TIAM1: variants seen among roughly 807,000 people sequenced by gnomAD.
The protein encoded by TIAM1 is TIAM Rac1 associated GEF 1.
TIAM1 carries 65 observed loss-of-function variants against 163.5 expected under a neutral mutation model. The observed-to-expected ratio is 0.40, with a 90% CI of 0.33 to 0.49. TIAM1 has a LOEUF of 0.49. Among genes scored for constraint, TIAM1 ranks in the 20% least tolerant of loss-of-function variants. TIAM1 has a pLI of 0.77. For synonymous variants in TIAM1, 833 were observed against 810.1 expected (o/e 1.03, Z -0.48); for missense variants, 1,789 against 2,044.7 (o/e 0.87, Z 2.41).
At chr21:31,222,676 CATAT>C (rs146567405) in intron 8 of TIAM1, among the ~76,000 whole-genome samples, 3,708 of 47,824 alleles carry the variant, frequency 0.078, 278 homozygotes, top group East Asian at 0.21. Context: ...TGTACACATA[CATAT>C]ATATATATAT....
intron 13 of TIAM1, among the ~76,000 whole-genome samples, chr21:31,194,970 T>C (rs2085773830): frequency 6.6e-6 from 1 of 152,212 alleles, no homozygotes; most frequent in South Asian, 2.1e-4. Context: ...ACATATAAAA[T>C]AAGCTACCCA....
intron 16 of TIAM1, 58 bp downstream of exon 16, chr21:31,164,904 G>C: frequency 6.5e-7 from 1 of 1,544,538 alleles, no homozygotes; most frequent in Non-Finnish European, 8.9e-7. Flanking sequence ...AGGTGACATT[G>C]TCAGCTGTGA....
chr21:31,417,149 A>G (rs1013335889), intron 2 of TIAM1, among the ~76,000 whole-genome samples: 9 of 152,076 alleles, frequency 5.9e-5, no homozygotes, highest in African/African-American at 2.2e-4. Flanking sequence ...CAGCCTCCCA[A>G]GTAGCTGGGA....
rs202089637 is a variant in TIAM1 at position 31,309,650 on chromosome 21, G to GA, written c.-189+29592dup. ...AAAGTCATGAGAATGCTTCACAAAT[G>GA]AAAAAAATGAAGATGTGGCCTACAA... On this transcript the variant is annotated intron_variant, in intron 2 of 27. Transcript: ENST00000541036. Among the ~76,000 whole-genome samples, 1,289 of 152,122 alleles carry GA rather than the reference G, an allele frequency of 8.5e-3. 11 individuals carry two copies. Among genetic ancestry groups the GA allele is most frequent in the Middle Eastern group, 0.044 (13 of 294 alleles).
At chr21:31,474,196 T>C (rs1209748491) in intron 1 of TIAM1, among the ~76,000 whole-genome samples, 1 of 152,070 alleles carries the variant, frequency 6.6e-6, no homozygotes, top group African/African-American at 2.4e-5. Context: ...CCCAAACACC[T>C]CCTGCCAGGC....
At chr21:31,273,110 C>T (rs2073136720) in intron 3 of TIAM1, among the ~76,000 whole-genome samples, 1 of 152,010 alleles carries the variant, frequency 6.6e-6, no homozygotes, top group South Asian at 2.1e-4. Flanking sequence ...AAGATCAAAA[C>T]CTGAGGATGC....
intron 2 of TIAM1, among the ~76,000 whole-genome samples, chr21:31,435,758 TAA>T (rs1399845052): frequency 2.0e-4 from 30 of 152,330 alleles, no homozygotes; most frequent in African/African-American, 7.0e-4. Flanking sequence ...GTGGGACCTT[TAA>T]GAGGTAACTA....
intron 2 of TIAM1, among the ~76,000 whole-genome samples, chr21:31,334,014 A>G (rs2075763575): frequency 6.6e-6 from 1 of 152,222 alleles, no homozygotes; most frequent in Non-Finnish European, 1.5e-5. Context: ...CATTAGAAAG[A>G]TAAATAGCAA....
chr21:31,245,694 T>C, intron 5 of TIAM1, 34 bp from the exon 6 acceptor site: 1 of 1,450,030 alleles, frequency 6.9e-7, no homozygotes, highest in Middle Eastern at 1.9e-4. Context: ...GCATGAGTAT[T>C]CAGTGCTTGG....
rs190258110 is a variant in TIAM1, at chr21:31,330,122, T to A, written c.-189+9121A>T. On this transcript the variant is annotated intron_variant, in intron 2 of 27. Coordinates refer to ENST00000541036, the MANE Select transcript of TIAM1 (RefSeq NM_001353694.2). Reference sequence around the variant, plus strand: ...GGCTTTGGATGAATGTATAATGACATGTATCTACCATCACAGTCTCATACA... The same window carrying A: ...GGCTTTGGATGAATGTATAATGACAAGTATCTACCATCACAGTCTCATACA... Among the ~76,000 whole-genome samples, 10 of 152,302 alleles carry A rather than the reference T, an allele frequency of 6.6e-5. No homozygotes were observed. The East Asian group carries it at 1.5e-3, about 24-fold the overall frequency.
chr21:31,509,016 G>A (rs2047124686), intron 1 of TIAM1, among the ~76,000 whole-genome samples: 1 of 152,190 alleles, frequency 6.6e-6, no homozygotes, highest in Non-Finnish European at 1.5e-5. Flanking sequence ...AGAGAAGCCA[G>A]CAAGAGGTGA....
chr21:31,290,809 T>G (rs1231260907), intron 2 of TIAM1, among the ~76,000 whole-genome samples: 1 of 152,128 alleles, frequency 6.6e-6, no homozygotes, highest in Non-Finnish European at 1.5e-5. Context: ...AAATATTATC[T>G]ACATTTTAGC....
At chr21:31,479,802 C>A (rs570114617) in intron 1 of TIAM1, among the ~76,000 whole-genome samples, 29 of 152,184 alleles carry the variant, frequency 1.9e-4, no homozygotes, top group African/African-American at 6.5e-4. Context: ...CACATTGATA[C>A]ACTTCATATT....
intron 2 of TIAM1, among the ~76,000 whole-genome samples, chr21:31,423,525 A>AT (rs112229863): frequency 0.029 from 4,445 of 152,040 alleles, 205 homozygotes; most frequent in African/African-American, 0.1. Context: ...CTTGTGATTA[A>AT]TATCAGCATA....
chr21:31,368,714 A>C (rs886305642), intron 2 of TIAM1, among the ~76,000 whole-genome samples: 30 of 152,254 alleles, frequency 2.0e-4, no homozygotes, highest in Non-Finnish European at 4.4e-4. Flanking sequence ...AGAAAAACTC[A>C]GTAAAACAGC....
intron 23 of TIAM1, among the ~76,000 whole-genome samples, chr21:31,135,527 C>A (rs2146254422): frequency 6.6e-6 from 1 of 152,102 alleles, no homozygotes; most frequent in East Asian, 1.9e-4. Flanking sequence ...AGTCAGGAAG[C>A]AAATAAAAGA....
At chr21:31,210,582 G>GAAAGAAAGAAAT (rs71191194) in intron 10 of TIAM1, among the ~76,000 whole-genome samples, 1 of 118,070 alleles carries the variant, frequency 8.5e-6, no homozygotes, top group East Asian at 2.8e-4. Context: ...AAGAAAGAAA[G>GAAAGAAAGAAAT]AAAGAAAGAA....
chr21:31,555,044 G>A (rs557575539), intron 1 of TIAM1, among the ~76,000 whole-genome samples: 1 of 152,048 alleles, frequency 6.6e-6, no homozygotes. Flanking sequence ...TATTAATATC[G>A]TGTACCCTTT....
Position 31,266,002 on chromosome 21 carries a change from C to A in TIAM1, c.963+8G>T, listed in dbSNP as rs1285440742. The A allele has an allele frequency of 1.3e-5, 21 of 1,609,150 alleles. No homozygotes were observed. Among genetic ancestry groups the A allele is most frequent in the Non-Finnish European group, 1.8e-5 (21 of 1,176,918 alleles). On this transcript the variant is annotated splice_region_variant and intron_variant, in intron 4 of 27. Transcript: ENST00000541036. The stretch of plus-strand genomic sequence containing the variant: ...CCAAAATATTGAAACAAATTTCAAT[C>A]ACTTTACCTGAGTTGTTTTAGCTCT...
Sources: gnomAD v4.1 joint callset for allele counts (sites outside exome capture counted in the v4.1 genomes callset) on GRCh38, gnomAD v4.1.1 for gene constraint, MANE v1.5 for transcripts, NCBI Gene and HGNC (gene_info 2026-07-23, HGNC 2026-07-21) for gene names.